Variants in AP2B1 observed in about 807,000 individuals in gnomAD.
The protein encoded by AP2B1 is adaptor related protein complex 2 subunit beta 1, also known as AP-2 complex subunit beta.
Under a neutral mutation model 102.0 loss-of-function variants are expected in AP2B1, and 23 were observed. The ratio of observed to expected loss-of-function variants is 0.23; its 90% CI spans 0.16 to 0.32. The LOEUF (loss-of-function observed/expected upper bound fraction) is 0.32. Ranked by LOEUF, AP2B1 falls within the 10% of genes least tolerant of loss-of-function variation. AP2B1 has a pLI of 1.00. For synonymous variants in AP2B1, 381 were observed against 421.2 expected (o/e 0.90, Z 1.17); for missense variants, 541 against 1,157.4 (o/e 0.47, Z 7.73).
intron 5 of AP2B1, among the ~76,000 whole-genome samples, chr17:35,618,250 A>G (rs1457388929): frequency 2.0e-5 from 3 of 152,254 alleles, no homozygotes; most frequent in Non-Finnish European, 2.9e-5. Context: ...ATGTTGTCCT[A>G]TGCCTCACAT....
At chr17:35,683,035 G>A (rs1007786131) in intron 18 of AP2B1, among the ~76,000 whole-genome samples, 7 of 151,904 alleles carry the variant, frequency 4.6e-5, no homozygotes, top group Non-Finnish European at 8.8e-5. Flanking sequence ...AAGCCACCAC[G>A]CCTGGCTAAT....
intron 13 of AP2B1, among the ~76,000 whole-genome samples, chr17:35,657,137 G>GTT (rs1331980135): frequency 6.6e-6 from 1 of 152,042 alleles, no homozygotes; most frequent in Admixed American, 6.5e-5. Context: ...ATTTTGTTGT[G>GTT]TTTCTCTCTC....
chr17:35,597,219 C>A, intron 2 of AP2B1: 1 of 412,424 alleles, frequency 2.4e-6, no homozygotes, highest in Non-Finnish European at 4.5e-6. Context: ...TCTTTTGAGG[C>A]AGTATGGTAG....
intron 17 of AP2B1, among the ~76,000 whole-genome samples, chr17:35,680,064 G>A (rs756631395): frequency 2.0e-5 from 3 of 151,640 alleles, no homozygotes; most frequent in Non-Finnish European, 2.9e-5. Context: ...GACCACGCCC[G>A]ACTAATTTTT....
chr17:35,614,061 T>G (rs1054525200), intron 5 of AP2B1, among the ~76,000 whole-genome samples: 1 of 152,236 alleles, frequency 6.6e-6, no homozygotes, highest in African/African-American at 2.4e-5. Context: ...ACTATGGTTT[T>G]CTTTTTTGCT....
chr17:35,703,996 C>T (rs1221346857), intron 18 of AP2B1, among the ~76,000 whole-genome samples: 1 of 152,130 alleles, frequency 6.6e-6, no homozygotes, highest in African/African-American at 2.4e-5. Flanking sequence ...ATTATATCTT[C>T]CTACTATCTC....
At chr17:35,652,298 A>G (rs919004658) in intron 13 of AP2B1, among the ~76,000 whole-genome samples, 17 of 152,196 alleles carry the variant, frequency 1.1e-4, no homozygotes, top group Admixed American at 1.1e-3. Context: ...GCTGCAAATG[A>G]CATGTCTGTA....
intron 16 of AP2B1, among the ~76,000 whole-genome samples, chr17:35,672,960 C>T (rs1221871346): frequency 6.6e-6 from 1 of 152,176 alleles, no homozygotes; most frequent in Non-Finnish European, 1.5e-5. Flanking sequence ...CATTCCGTGT[C>T]AGTGGGATAT....
At chr17:35,686,054 T>G (rs1029297952) in intron 18 of AP2B1, among the ~76,000 whole-genome samples, 1 of 152,220 alleles carries the variant, frequency 6.6e-6, no homozygotes, top group Admixed American at 6.5e-5. Flanking sequence ...TGAGCTGCCA[T>G]GCCCTGCCTA....
chr17:35,673,935 T>A (rs529242021), intron 16 of AP2B1, among the ~76,000 whole-genome samples: 67 of 152,336 alleles, frequency 4.4e-4, no homozygotes, highest in African/African-American at 1.5e-3. Context: ...ACTGGTTTTT[T>A]AAAATTATTA....
At position 35,682,832 on chromosome 17, in the gene AP2B1, A is replaced by T; in HGVS notation, c.2454+8A>T. 1 of 1,607,532 alleles carries T rather than the reference A, an allele frequency of 6.2e-7. No individual in the cohort carries two copies. The highest frequency in any genetic ancestry group is 1.1e-5 in the South Asian group (1 of 91,012). ...CCTCTGAATAACCTCCAGGTCAGAGATTTACTTCACTCAGGTGGTACAAGT... is the reference window on the plus strand; with the variant it reads ...CCTCTGAATAACCTCCAGGTCAGAGTTTTACTTCACTCAGGTGGTACAAGT... On this transcript the variant is annotated splice_region_variant and intron_variant, in intron 18 of 21. Coordinates refer to ENST00000610402, the MANE Select transcript of AP2B1 (RefSeq NM_001030006.2).
chr17:35,706,897 C>G (rs1010364806), intron 18 of AP2B1, among the ~76,000 whole-genome samples: 1 of 152,280 alleles, frequency 6.6e-6, no homozygotes, highest in East Asian at 1.9e-4. Context: ...GGTGATCTGC[C>G]TGCCTCAGCT....
chr17:35,608,216 T>A lies in AP2B1; in HGVS notation c.354T>A (p.Ile118=). 5.0e-6 allele frequency: 8 copies of A among 1,614,132 alleles called. No individual in the cohort carries two copies. Among genetic ancestry groups the A allele is most frequent in the Non-Finnish European group, 6.8e-6 (8 of 1,180,020 alleles). The part of the protein sequence containing the change: ...RTMGCIRVDK[I]TEYLCEPLRK... ...TGGGGTGCATCCGGGTAGACAAAAT[T>A]ACAGAATATCTCTGTGAGCCGCTCC... Residue 118 remains isoleucine, a synonymous_variant, in exon 5 of 22, where the codon ATT becomes ATA. Transcript: ENST00000610402.
At chr17:35,652,998 C>G (rs541727694) in intron 13 of AP2B1, among the ~76,000 whole-genome samples, 1 of 152,292 alleles carries the variant, frequency 6.6e-6, no homozygotes, top group Non-Finnish European at 1.5e-5. Context: ...TGGACACTTT[C>G]CTTGTAAATT....
At chr17:35,699,942 C>G (rs2076210826) in intron 18 of AP2B1, among the ~76,000 whole-genome samples, 1 of 151,724 alleles carries the variant, frequency 6.6e-6, no homozygotes, top group African/African-American at 2.4e-5. Flanking sequence ...ACAAAAATAA[C>G]AGAGTTAGCC....
chr17:35,703,197 G>A (rs1244583584), intron 18 of AP2B1, among the ~76,000 whole-genome samples: 5 of 150,516 alleles, frequency 3.3e-5, no homozygotes, highest in Admixed American at 6.7e-5. Flanking sequence ...CCTGGGAGGC[G>A]GAGCTTGCAG....
At chr17:35,627,245 C>CT (rs569701571) in intron 7 of AP2B1, 140 bp from the exon 8 acceptor site, 25,060 of 178,132 alleles carry the variant, frequency 0.14, 6,451 homozygotes, top group African/African-American at 0.29. Flanking sequence ...GAAGTTTATG[C>CT]TTTTTTTTTT....
At chr17:35,701,867 C>T (rs587651144) in intron 18 of AP2B1, among the ~76,000 whole-genome samples, 8 of 152,322 alleles carry the variant, frequency 5.3e-5, no homozygotes, top group East Asian at 3.9e-4. Context: ...ATCCTCCTTC[C>T]GCCTTTGGTC....
intron 18 of AP2B1, among the ~76,000 whole-genome samples, chr17:35,705,236 G>A (rs2076317531): frequency 6.6e-6 from 1 of 152,130 alleles, no homozygotes; most frequent in South Asian, 2.1e-4. Flanking sequence ...GCAAAATACA[G>A]ATTTTGAAAA....
Sources: gnomAD v4.1 joint callset for allele counts (sites outside exome capture counted in the v4.1 genomes callset) on GRCh38, gnomAD v4.1.1 for gene constraint, MANE v1.5 for transcripts, NCBI Gene and HGNC (gene_info 2026-07-23, HGNC 2026-07-21) for gene names.